The following MB21D2 variants were observed in gnomAD, a reference collection of about 807,000 sequenced individuals.
The protein encoded by MB21D2 is nucleotidyltransferase MB21D2.
A neutral mutation model predicts 33.3 loss-of-function variants in MB21D2; 9 were observed. The ratio of observed to expected loss-of-function variants is 0.27; its 90% CI spans 0.16 to 0.47. The LOEUF (loss-of-function observed/expected upper bound fraction) is 0.47. Among genes scored for constraint, MB21D2 ranks in the 20% least tolerant of loss-of-function variants. The probability of loss-of-function intolerance (pLI) is 0.99; values close to 1 mark genes in which losing one functional copy is unlikely to be tolerated. For synonymous variants in MB21D2, 241 were observed against 236.3 expected (o/e 1.02, Z -0.18); for missense variants, 540 against 624.6 (o/e 0.86, Z 1.44).
intron 1 of MB21D2, among the ~76,000 whole-genome samples, chr3:192,861,535 G>A (rs13082309): frequency 0.5 from 75,634 of 152,134 alleles, 19,392 homozygotes; most frequent in East Asian, 0.61. Context: ...GGCCAGGTGC[G>A]GTGGCTCACG....
At chr3:192,917,418 C>T (rs1414151109) in intron 1 of MB21D2, among the ~76,000 whole-genome samples, 1 of 152,130 alleles carries the variant, frequency 6.6e-6, no homozygotes, top group Non-Finnish European at 1.5e-5. Context: ...AAAGGGAGAC[C>T]CGGCGTAAAG....
At chr3:192,854,792 A>C (rs1015944307) in intron 1 of MB21D2, among the ~76,000 whole-genome samples, 1 of 152,204 alleles carries the variant, frequency 6.6e-6, no homozygotes, top group African/African-American at 2.4e-5. Context: ...CACTAAATCT[A>C]CTCTGCCTGT....
intron 1 of MB21D2, among the ~76,000 whole-genome samples, chr3:192,876,799 G>A (rs1484187654): frequency 6.6e-6 from 1 of 152,014 alleles, no homozygotes; most frequent in Non-Finnish European, 1.5e-5. Context: ...CTCCCTTTTG[G>A]TCTGGCTACC....
At chr3:192,827,977 T>A (rs1214475374) in intron 1 of MB21D2, among the ~76,000 whole-genome samples, 1 of 152,092 alleles carries the variant, frequency 6.6e-6, no homozygotes, top group African/African-American at 2.4e-5. Context: ...TGGTAGTGAA[T>A]AAGTCTCATG....
At chr3:192,905,923 C>T (rs1464825711) in intron 1 of MB21D2, among the ~76,000 whole-genome samples, 1 of 152,196 alleles carries the variant, frequency 6.6e-6, no homozygotes, top group African/African-American at 2.4e-5. Flanking sequence ...GATCCCACCT[C>T]AACCATTTAG....
At chr3:192,868,995 A>T (rs1486339043) in intron 1 of MB21D2, among the ~76,000 whole-genome samples, 1 of 152,174 alleles carries the variant, frequency 6.6e-6, no homozygotes, top group Non-Finnish European at 1.5e-5. Context: ...TAAAAGAAAT[A>T]TACAGCATTT....
chr3:192,907,785 G>A (rs1052516918), intron 1 of MB21D2, among the ~76,000 whole-genome samples: 2 of 152,174 alleles, frequency 1.3e-5, no homozygotes, highest in Non-Finnish European at 2.9e-5. Flanking sequence ...TCCAAGTGGA[G>A]GCACTTGGAG....
At chr3:192,915,144 G>C (rs1417908654) in intron 1 of MB21D2, among the ~76,000 whole-genome samples, 3 of 152,104 alleles carry the variant, frequency 2.0e-5, no homozygotes, top group African/African-American at 7.2e-5. Flanking sequence ...GTGCAGCTCA[G>C]ATACAGAACA....
chr3:192,874,034 T>C (rs1394370775), intron 1 of MB21D2, among the ~76,000 whole-genome samples: 1 of 152,188 alleles, frequency 6.6e-6, no homozygotes, highest in Non-Finnish European at 1.5e-5. Flanking sequence ...ACACTGAAAG[T>C]ACTTTTAAAA....
intron 1 of MB21D2, among the ~76,000 whole-genome samples, chr3:192,907,670 A>G (rs1714242352): frequency 6.6e-6 from 1 of 152,228 alleles, no homozygotes; most frequent in Non-Finnish European, 1.5e-5. Context: ...GTGAATATTT[A>G]TTGTCATCTA....
chr3:192,817,068 G>C (rs1373230439), intron 1 of MB21D2, among the ~76,000 whole-genome samples: 1 of 152,060 alleles, frequency 6.6e-6, no homozygotes, highest in Non-Finnish European at 1.5e-5. Context: ...CCTGTTATTT[G>C]GGCATGTGAC....
intron 1 of MB21D2, among the ~76,000 whole-genome samples, chr3:192,888,506 A>G (rs773774861): frequency 2.0e-5 from 3 of 152,094 alleles, no homozygotes; most frequent in Non-Finnish European, 4.4e-5. Context: ...TCTTATCCAC[A>G]AAATACAGTT....
Position 192,799,432 on chromosome 3 carries a change from A to G in MB21D2, c.430T>C (p.Cys144Arg). Reference sequence around the variant, plus strand: ...AGCCGAAGGCTCAGCCAAGAGTGGCACAAGGCTGAGTGGCGCATGTCGAGT... The same window carrying G: ...AGCCGAAGGCTCAGCCAAGAGTGGCGCAAGGCTGAGTGGCGCATGTCGAGT... ...VTLDMRHSAL[C>R]HSWLSLRLFD... Residue 144 changes from cysteine (C) to arginine (R), a missense_variant, in exon 2 of 2, where the codon TGC (cysteine) becomes CGC (arginine). By Grantham distance (180) the Cys-to-Arg change is radical. Coordinates refer to ENST00000392452, the MANE Select transcript of MB21D2 (RefSeq NM_178496.4). This position sits in a 1 kb window ranked among gnomAD's most constrained non-coding sequence, Gnocchi z 4.1. 3 of 1,614,242 alleles carry G rather than the reference A, an allele frequency of 1.9e-6. No individual in the cohort carries two copies. The highest frequency in any genetic ancestry group is 2.5e-6 in the Non-Finnish European group (3 of 1,180,040).
intron 1 of MB21D2, among the ~76,000 whole-genome samples, chr3:192,902,515 C>T (rs192257236): frequency 6.6e-6 from 1 of 152,292 alleles, no homozygotes; most frequent in Non-Finnish European, 1.5e-5. Context: ...CATCGCCTAG[C>T]CAACAGTGAG....
chr3:192,907,020 G>A (rs183989353), intron 1 of MB21D2, among the ~76,000 whole-genome samples: 1 of 152,314 alleles, frequency 6.6e-6, no homozygotes, highest in African/African-American at 2.4e-5. Flanking sequence ...AGTTCCCCAT[G>A]TCAGCTTTAT....
intron 1 of MB21D2, among the ~76,000 whole-genome samples, chr3:192,903,662 C>A (rs1448239023): frequency 6.6e-6 from 1 of 152,284 alleles, no homozygotes; most frequent in South Asian, 2.1e-4. Flanking sequence ...TCCCAACAAC[C>A]GGTATCTCAT....
intron 1 of MB21D2, among the ~76,000 whole-genome samples, chr3:192,874,222 C>T (rs949121910): frequency 1.3e-5 from 2 of 152,100 alleles, no homozygotes; most frequent in African/African-American, 2.4e-5. Flanking sequence ...ACTTACTGGG[C>T]TGTACATAAA....
At chr3:192,855,862 C>G (rs747641784) in intron 1 of MB21D2, among the ~76,000 whole-genome samples, 5 of 152,204 alleles carry the variant, frequency 3.3e-5, no homozygotes, top group African/African-American at 4.8e-5. Context: ...CACCTGAGGT[C>G]AGGAGTTCAA....
chr3:192,806,079 C>A (rs1177862160), intron 1 of MB21D2, among the ~76,000 whole-genome samples: 1 of 152,238 alleles, frequency 6.6e-6, no homozygotes, highest in Non-Finnish European at 1.5e-5. Context: ...TGGCACGACA[C>A]ACAGGGTGGC....
Sources: gnomAD v4.1 joint callset for allele counts (sites outside exome capture counted in the v4.1 genomes callset) on GRCh38, gnomAD v4.1.1 for gene constraint, Gnocchi (gnomAD v3.1) non-coding constraint, MANE v1.5 for transcripts, NCBI Gene and HGNC (gene_info 2026-07-23, HGNC 2026-07-21) for gene names.